The following C12orf42 variants were observed in gnomAD, a reference collection of about 807,000 sequenced individuals.
C12orf42 encodes uncharacterized protein C12orf42.
C12orf42 carries 25 observed loss-of-function variants against 21.6 expected under a neutral mutation model. The ratio of observed to expected loss-of-function variants is 1.16; its 90% CI spans 0.84 to 1.62. C12orf42 has a LOEUF of 1.62. Among genes scored for constraint, C12orf42 ranks in the 40% most tolerant of loss-of-function variants. The pLI, the probability that C12orf42 is intolerant of heterozygous loss-of-function variation, is 0.00. For missense variants in C12orf42, 483 were observed against 459.3 expected, an observed-to-expected ratio of 1.05 and a Z score of -0.47; for synonymous variants, 174 against 175.0, an observed-to-expected ratio of 0.99 and a Z score of 0.05.
At chr12:103,552,238 G>A in the C12orf42 span, among the ~76,000 whole-genome samples, 1 of 152,178 alleles carries the variant, frequency 6.6e-6, no homozygotes, top group Non-Finnish European at 1.5e-5. Context: ...TATGAAGACT[G>A]ACTCACTATC....
the C12orf42 span, among the ~76,000 whole-genome samples, chr12:103,230,852 A>T: frequency 1.3e-5 from 2 of 152,076 alleles, no homozygotes; most frequent in Non-Finnish European, 1.5e-5. Context: ...CTTTGGACTT[A>T]TGCTGTTCTG....
chr12:103,193,672 A>G, the C12orf42 span, among the ~76,000 whole-genome samples: 1 of 152,148 alleles, frequency 6.6e-6, no homozygotes, highest in African/African-American at 2.4e-5. Flanking sequence ...GAATAGGCCA[A>G]AAACAAAAGA....
chr12:103,343,777 A>AG (rs2042378762), intron 4 of C12orf42, among the ~76,000 whole-genome samples: 1 of 150,398 alleles, frequency 6.6e-6, no homozygotes, highest in African/African-American at 2.4e-5. Flanking sequence ...TCTGTCACAA[A>AG]AAAAAAAAAA....
chr12:103,439,108 T>C (rs1233657604), intron 2 of C12orf42, among the ~76,000 whole-genome samples: 2 of 151,818 alleles, frequency 1.3e-5, no homozygotes, highest in East Asian at 3.9e-4. Flanking sequence ...ATGCAGCATA[T>C]CTACAACTAT....
intron 4 of C12orf42, among the ~76,000 whole-genome samples, chr12:103,365,564 T>C (rs113251313): frequency 0.02 from 3,014 of 152,148 alleles, 89 homozygotes; most frequent in African/African-American, 0.068. Context: ...TATGATTGTA[T>C]ACTTAGAAAA....
chr12:103,355,045 C>A (rs1337930652), intron 4 of C12orf42, among the ~76,000 whole-genome samples: 1 of 152,082 alleles, frequency 6.6e-6, no homozygotes, highest in Admixed American at 6.6e-5. Context: ...ACTATGTACC[C>A]ATTACAAATA....
At chr12:103,184,359 T>A in the C12orf42 span, among the ~76,000 whole-genome samples, 1 of 152,214 alleles carries the variant, frequency 6.6e-6, no homozygotes, top group Admixed American at 6.5e-5. Context: ...GTTAATATAG[T>A]AAATTAGTGA....
chr12:103,411,666 A>G (rs140054614), intron 2 of C12orf42, among the ~76,000 whole-genome samples: 222 of 152,334 alleles, frequency 1.5e-3, no homozygotes, highest in African/African-American at 5.2e-3. Flanking sequence ...GAACACAGAA[A>G]GAAGGCATCT....
chr12:103,293,237 T>C (rs2036937670), intron 4 of C12orf42, among the ~76,000 whole-genome samples: 1 of 152,140 alleles, frequency 6.6e-6, no homozygotes, highest in South Asian at 2.1e-4. Context: ...TCTGCAGGTA[T>C]ATTTCACTTT....
the C12orf42 span, among the ~76,000 whole-genome samples, chr12:103,071,046 C>T: frequency 6.6e-6 from 1 of 152,068 alleles, no homozygotes; most frequent in East Asian, 1.9e-4. Context: ...GCTGTATTTC[C>T]TGATTTTTTT....
the C12orf42 span, among the ~76,000 whole-genome samples, chr12:103,174,563 C>A: frequency 5.4e-5 from 8 of 146,956 alleles, no homozygotes; most frequent in African/African-American, 1.7e-4. Context: ...AGGATTCAAA[C>A]TCAGGGAGTC....
the C12orf42 span, among the ~76,000 whole-genome samples, chr12:103,511,862 T>C: frequency 6.6e-6 from 1 of 152,356 alleles, no homozygotes; most frequent in South Asian, 2.1e-4. Context: ...ACTTTTTTCT[T>C]TTTGGAAGTG....
chr12:103,401,117 G>A (rs532323970), intron 3 of C12orf42, among the ~76,000 whole-genome samples: 2 of 152,144 alleles, frequency 1.3e-5, no homozygotes, highest in Non-Finnish European at 2.9e-5. Context: ...TATGCACATC[G>A]TAGGGACAAA....
At chr12:103,141,420 A>T in the C12orf42 span, among the ~76,000 whole-genome samples, 2 of 152,228 alleles carry the variant, frequency 1.3e-5, no homozygotes, top group Non-Finnish European at 2.9e-5. Context: ...ATTTAATGAC[A>T]TGCAGGCTGA....
chr12:103,531,804 T>G, the C12orf42 span, among the ~76,000 whole-genome samples: 1 of 152,244 alleles, frequency 6.6e-6, no homozygotes, highest in African/African-American at 2.4e-5. Flanking sequence ...AGGTTGTTGG[T>G]TGAAGACAAA....
the C12orf42 span, among the ~76,000 whole-genome samples, chr12:103,173,656 C>T: frequency 6.0e-4 from 91 of 151,618 alleles, 1 homozygote; most frequent in East Asian, 0.015. Context: ...TATATTAATG[C>T]CTTCCATTAA....
chr12:103,439,427 A>G (rs909135971), intron 2 of C12orf42, among the ~76,000 whole-genome samples: 1 of 135,978 alleles, frequency 7.4e-6, no homozygotes, highest in African/African-American at 2.8e-5. Flanking sequence ...TAAACTAAAG[A>G]GCTTCTGCAC....
the C12orf42 span, among the ~76,000 whole-genome samples, chr12:103,543,256 G>A: frequency 4.6e-5 from 7 of 152,332 alleles, no homozygotes; most frequent in South Asian, 1.2e-3. Context: ...GCAGTTCTCA[G>A]AATGTATTCC....
chr12:103,440,038 G>A (rs1592822059), intron 2 of C12orf42, among the ~76,000 whole-genome samples: 2 of 147,358 alleles, frequency 1.4e-5, no homozygotes, highest in Non-Finnish European at 3.0e-5. Context: ...ACTGGATTAA[G>A]AAAATGTGGC....
Sources: gnomAD v4.1 joint callset for allele counts (sites outside exome capture counted in the v4.1 genomes callset) on GRCh38, gnomAD v4.1.1 for gene constraint, MANE v1.5 for transcripts, NCBI Gene and HGNC (gene_info 2026-07-23, HGNC 2026-07-21) for gene names.